CEACAM20: variants seen among roughly 807,000 people sequenced by gnomAD.
CEACAM20 encodes the protein CEA cell adhesion molecule 20.
CEACAM20 carries 50 observed loss-of-function variants against 61.2 expected under a neutral mutation model. That is an observed-to-expected ratio of 0.82 (90% CI 0.65 to 1.03). The LOEUF (loss-of-function observed/expected upper bound fraction) is 1.03, where lower values mean the gene tolerates loss of function less well. CEACAM20 is among the 50% of genes least tolerant of loss of function. The pLI is 0.00. For missense variants in CEACAM20, 683 were observed against 736.4 expected, an observed-to-expected ratio of 0.93 and a Z score of 0.84; for synonymous variants, 282 against 287.7, an observed-to-expected ratio of 0.98 and a Z score of 0.20.
At chr19:44,528,515 T>C (rs2123648581) in intron 1 of CEACAM20, among the ~76,000 whole-genome samples, 1 of 152,222 alleles carries the variant, frequency 6.6e-6, no homozygotes, top group East Asian at 1.9e-4. Flanking sequence ...TGAGCCACTG[T>C]GCCTGGGCCC....
At chr19:44,511,496 G>C in intron 10 of CEACAM20, 141 bp downstream of exon 10, 2 of 868,660 alleles carry the variant, frequency 2.3e-6, no homozygotes, top group Non-Finnish European at 3.7e-6. Context: ...GAGGCCTTAG[G>C]CTACTCTCTT....
rs368596710 is a variant in CEACAM20 at position 44,517,064 on chromosome 19, C to G, written c.1191G>C (p.Leu397=). ...WTLEHSTGEH[L]GEQLIIRALT... The stretch of plus-strand genomic sequence containing the variant: ...GAGCCCTGATAATCAGCTGCTCACC[C>G]AGGTGCTCCCCGGTGGAGTGTTCAA... The change falls in exon 6 of 12, where the codon CTG becomes CTC. Residue 397 remains leucine, a synonymous_variant. Transcript: ENST00000614924. 1.2e-6 allele frequency: 2 copies of G among 1,606,804 alleles called. No individual in the cohort carries two copies. Among genetic ancestry groups the G allele is most frequent in the African/African-American group, 2.7e-5 (2 of 74,948 alleles).
Position 44,517,041 on chromosome 19 carries a change from G to A in CEACAM20, c.1214C>T (p.Ala405Val), listed in dbSNP as rs1261386196. 10 of 1,601,686 alleles carry A rather than the reference G, an allele frequency of 6.2e-6. No individual in the cohort carries two copies. The Admixed American group carries it at 1.6e-4, about 25-fold the overall frequency. The change falls in exon 6 of 12, where the codon GCT (alanine) becomes GTT (valine). Residue 405 changes from alanine (A) to valine (V), a missense_variant. By Grantham distance (64) the Ala-to-Val change is moderately conservative. Coordinates refer to ENST00000614924, the MANE Select transcript of CEACAM20 (RefSeq NM_001102597.3). ...GATCCCGTCGTGTTCCCAGGTCAGA[G>A]CCCTGATAATCAGCTGCTCACCCAG... ...EHLGEQLIIR[A>V]LTWEHDGIYN...
intron 11 of CEACAM20, among the ~76,000 whole-genome samples, chr19:44,509,442 A>G (rs1970910389): frequency 6.6e-6 from 1 of 152,176 alleles, no homozygotes; most frequent in Non-Finnish European, 1.5e-5. Flanking sequence ...AATCAATGGT[A>G]TAAAGAGTAG....
chr19:44,518,175 C>A lies in CEACAM20; in HGVS notation c.1031-951G>T, dbSNP rs867917408. 2.8e-3 allele frequency among the ~76,000 whole-genome samples: 284 copies of A among 102,242 alleles called. 6 individuals carry two copies. Among genetic ancestry groups the A allele is most frequent in the Middle Eastern group, 5.1e-3 (1 of 196 alleles). 67.1% of individuals were successfully genotyped at this position (102,242 alleles called of 152,430 possible). Reference sequence around the variant, plus strand: ...GGAAGGAAGGAAGGAAGGAAGAAAGCAGGCAGGCAGGCAGGCAGGCAGGCA... The same window carrying A: ...GGAAGGAAGGAAGGAAGGAAGAAAGAAGGCAGGCAGGCAGGCAGGCAGGCA... On this transcript the variant is annotated intron_variant, in intron 5 of 11. Transcript: ENST00000614924.
intron 1 of CEACAM20, 101 bp downstream of exon 1, chr19:44,529,353 TGCAC>T (rs1971640761): frequency 4.8e-6 from 4 of 836,280 alleles, no homozygotes; most frequent in Admixed American, 2.9e-5. Context: ...TTTCCTCGAG[TGCAC>T]ACACACACAC....
intron 8 of CEACAM20, among the ~76,000 whole-genome samples, chr19:44,512,566 G>C (rs1971033396): frequency 6.6e-6 from 1 of 152,216 alleles, no homozygotes. Flanking sequence ...CAGCAGGAAG[G>C]AGTGTTGTGG....
intron 1 of CEACAM20, among the ~76,000 whole-genome samples, 160 bp from the exon 2 acceptor site, chr19:44,525,404 C>G (rs1971499854): frequency 6.6e-6 from 1 of 151,948 alleles, no homozygotes; most frequent in African/African-American, 2.4e-5. Context: ...TGACCTGCAG[C>G]ATGTTTTCTT....
intron 7 of CEACAM20, 35 bp downstream of exon 7, chr19:44,513,137 C>A: frequency 1.3e-6 from 2 of 1,525,828 alleles, no homozygotes; most frequent in South Asian, 1.2e-5. Flanking sequence ...GGCCACATCC[C>A]CATCCCCATC....
intron 8 of CEACAM20, 117 bp downstream of exon 8, chr19:44,512,751 G>T: frequency 1.3e-6 from 1 of 774,058 alleles, no homozygotes; most frequent in Non-Finnish European, 2.1e-6. Context: ...GCTCAGAGTG[G>T]ACAGGGCTTG....
rs750486847 is a variant in CEACAM20 at position 44,522,705 on chromosome 19, A to C, written c.680T>G (p.Leu227Arg). The change falls in exon 4 of 12, where the codon CTG (leucine) becomes CGG (arginine). Residue 227 changes from leucine (L) to arginine (R), a missense_variant. Physicochemically the swap from Leu to Arg is moderately radical, Grantham distance 102. Transcript: ENST00000614924. ...IHAVSREHEG[L>R]YRCLVSNSAT... ...ACTGTTGGACACCAAGCACCTGTAC[A>C]GGCCCTCATGTTCTCTGGACACAGC... 1 of 1,613,842 alleles carries C rather than the reference A, an allele frequency of 6.2e-7. No individual in the cohort carries two copies. Among genetic ancestry groups the C allele is most frequent in the Admixed American group, 1.7e-5 (1 of 60,000 alleles).
At chr19:44,518,486 C>G (rs1340280626) in intron 5 of CEACAM20, among the ~76,000 whole-genome samples, 1 of 152,050 alleles carries the variant, frequency 6.6e-6, no homozygotes, top group East Asian at 1.9e-4. Flanking sequence ...TGCCTGTAAT[C>G]CCAGCACTTT....
chr19:44,520,902 G>A, intron 4 of CEACAM20, 150 bp from the exon 5 acceptor site: 2 of 751,000 alleles, frequency 2.7e-6, no homozygotes, highest in Non-Finnish European at 4.4e-6. Context: ...CATAATGCTG[G>A]TGTGCGGGGT....
intron 1 of CEACAM20, among the ~76,000 whole-genome samples, chr19:44,528,553 T>C (rs975714540): frequency 2.0e-5 from 3 of 152,122 alleles, no homozygotes; most frequent in African/African-American, 4.8e-5. Flanking sequence ...AGGTTATTTT[T>C]TCACCCTTTG....
Position 44,513,210 on chromosome 19 carries a change from T to C in CEACAM20, c.1389A>G (p.Ser463=), listed in dbSNP as rs376816785. Residue 463 remains serine (S), a synonymous_variant, in exon 7 of 12, where the codon TCA becomes TCG. Transcript: ENST00000614924. Reference sequence around the variant, plus strand: ...TGATGCAGAGAAAATAGCCCAGTTCTGAGGCCACAGCAATGACAGCCAGGA... The same window carrying C: ...TGATGCAGAGAAAATAGCCCAGTTCCGAGGCCACAGCAATGACAGCCAGGA... The part of the protein sequence containing the change: ...IGILAVIAVA[S]ELGYFLCIRN... 1.9e-6 allele frequency: 3 copies of C among 1,613,620 alleles called. No homozygotes were observed. The highest frequency in any genetic ancestry group is 1.3e-5 in the African/African-American group (1 of 74,856).
chr19:44,510,523 A>C (rs1295201379), intron 11 of CEACAM20, among the ~76,000 whole-genome samples: 1 of 147,788 alleles, frequency 6.8e-6, no homozygotes, highest in African/African-American at 2.5e-5. Flanking sequence ...AAAAAAAAAA[A>C]GAAAGATGAA....
At chr19:44,507,415 C>A (rs1970850438) in intron 11 of CEACAM20, among the ~76,000 whole-genome samples, 1 of 152,084 alleles carries the variant, frequency 6.6e-6, no homozygotes, top group Non-Finnish European at 1.5e-5. Context: ...GAATTTGAAC[C>A]TAGAAATGCT....
chr19:44,523,022 G>A, intron 3 of CEACAM20, 110 bp from the exon 4 acceptor site: 1 of 957,052 alleles, frequency 1.0e-6, no homozygotes, highest in African/African-American at 1.6e-5. Flanking sequence ...CCCACTCAAA[G>A]GCTAGATCAA....
intron 6 of CEACAM20, among the ~76,000 whole-genome samples, chr19:44,516,134 T>C (rs144158932): frequency 6.6e-6 from 1 of 152,276 alleles, no homozygotes; most frequent in East Asian, 1.9e-4. Context: ...TGGAGAAGGA[T>C]GTGAATCCCA....
Sources: allele counts gnomAD v4.1 joint callset (sites outside exome capture counted in the v4.1 genomes callset), GRCh38; gene constraint gnomAD v4.1.1; transcripts MANE v1.5; gene names NCBI Gene and HGNC (gene_info 2026-07-23, HGNC 2026-07-21).